The following TENM2 variants were observed in gnomAD, a reference collection of about 807,000 sequenced individuals.
The protein encoded by TENM2 is teneurin transmembrane protein 2.
Under a neutral mutation model 245.2 loss-of-function variants are expected in TENM2, and 52 were observed. The observed-to-expected ratio is 0.21, with a 90% CI of 0.17 to 0.27. The LOEUF is 0.27. Ranked by LOEUF, TENM2 falls within the 10% of genes least tolerant of loss-of-function variation. The probability of loss-of-function intolerance (pLI) is 1.00; values close to 1 mark genes in which losing one functional copy is unlikely to be tolerated. For synonymous variants in TENM2, 1,363 were observed against 1,438.9 expected, an observed-to-expected ratio of 0.95 and a Z score of 1.19; for missense variants, 3,046 against 3,666.8, an observed-to-expected ratio of 0.83 and a Z score of 4.37.
intron 2 of TENM2, among the ~76,000 whole-genome samples, chr5:167,500,887 T>C (rs1370084200): frequency 6.6e-6 from 1 of 152,144 alleles, no homozygotes. Flanking sequence ...TGGCCCCCAG[T>C]ACTAAATGTC....
At chr5:167,391,675 C>T (rs918931316) in intron 2 of TENM2, among the ~76,000 whole-genome samples, 11 of 148,766 alleles carry the variant, frequency 7.4e-5, no homozygotes, top group African/African-American at 2.7e-4. Context: ...TAACTTTAGC[C>T]ACTGGATGGA....
chr5:167,001,345 A>G, the TENM2 span, among the ~76,000 whole-genome samples: 2 of 152,108 alleles, frequency 1.3e-5, no homozygotes, highest in Non-Finnish European at 2.9e-5. Context: ...ATCATTCTTA[A>G]GGCATTCATA....
chr5:167,351,010 GATAT>G (rs377045353), intron 1 of TENM2, among the ~76,000 whole-genome samples: 1 of 27,116 alleles, frequency 3.7e-5, no homozygotes, highest in Non-Finnish European at 8.8e-5. Context: ...TATACATATG[GATAT>G]ATATATATGG....
Position 168,089,968 on chromosome 5 carries a change from T to A in TENM2, c.1516-606T>A, listed in dbSNP as rs141108210. On this transcript the variant is annotated intron_variant, in intron 7 of 28. Transcript: ENST00000518659. ...CAGACAGGAGAAGCTAGTAAGCACC[T>A]CATTCAGGATTTTCTCAGGCTCCAT... Among the ~76,000 whole-genome samples, 179 of 152,236 alleles carry A rather than the reference T, an allele frequency of 1.2e-3. 4 individuals carry two copies. In the East Asian group the frequency reaches 0.03, roughly 26 times the overall value.
At chr5:167,540,371 A>T (rs931635725) in intron 2 of TENM2, among the ~76,000 whole-genome samples, 1 of 152,206 alleles carries the variant, frequency 6.6e-6, no homozygotes, top group Non-Finnish European at 1.5e-5. Flanking sequence ...GTGTTTTTGT[A>T]CAGCTGTAAA....
At chr5:167,717,415 T>A (rs1231939359) in intron 2 of TENM2, among the ~76,000 whole-genome samples, 1 of 152,094 alleles carries the variant, frequency 6.6e-6, no homozygotes, top group Admixed American at 6.5e-5. Flanking sequence ...TAGAAGTAGG[T>A]TGGACATGTT....
At chr5:167,642,592 A>G (rs925618799) in intron 2 of TENM2, among the ~76,000 whole-genome samples, 1 of 152,146 alleles carries the variant, frequency 6.6e-6, no homozygotes, top group East Asian at 1.9e-4. Flanking sequence ...TACCTATACG[A>G]TGTGAAGCCA....
the TENM2 span, among the ~76,000 whole-genome samples, chr5:167,265,094 G>A: frequency 8.7e-4 from 133 of 152,036 alleles, no homozygotes; most frequent in African/African-American, 2.9e-3. Flanking sequence ...TTGGGAGACC[G>A]AGGCGAGTGG....
intron 6 of TENM2, among the ~76,000 whole-genome samples, chr5:168,057,922 C>T (rs920995258): frequency 1.6e-5 from 1 of 64,114 alleles, no homozygotes; most frequent in Admixed American, 2.1e-4. Context: ...TATGGCTTTA[C>T]TCTCTCTCTC....
chr5:167,268,740 A>G, the TENM2 span, among the ~76,000 whole-genome samples: 1 of 152,130 alleles, frequency 6.6e-6, no homozygotes, highest in Non-Finnish European at 1.5e-5. Flanking sequence ...TTGGGTTACA[A>G]TGGTGGAGTT....
intron 3 of TENM2, among the ~76,000 whole-genome samples, chr5:167,877,713 T>C (rs573749716): frequency 6.6e-6 from 1 of 152,322 alleles, no homozygotes; most frequent in East Asian, 1.9e-4. Flanking sequence ...TCAAATATGA[T>C]GTTAACTTAA....
intron 2 of TENM2, among the ~76,000 whole-genome samples, chr5:167,610,071 G>C (rs1439341391): frequency 6.6e-6 from 1 of 152,084 alleles, no homozygotes; most frequent in Non-Finnish European, 1.5e-5. Context: ...TAATTTGCTA[G>C]AGTGACTCAC....
At chr5:167,430,023 G>A (rs1337422512) in intron 2 of TENM2, among the ~76,000 whole-genome samples, 2 of 152,080 alleles carry the variant, frequency 1.3e-5, no homozygotes, top group African/African-American at 2.4e-5. Flanking sequence ...AGAAGGAAGG[G>A]AATGAGTGGC....
At chr5:167,724,853 G>A (rs1759880393) in intron 2 of TENM2, among the ~76,000 whole-genome samples, 1 of 152,196 alleles carries the variant, frequency 6.6e-6, no homozygotes, top group Non-Finnish European at 1.5e-5. Flanking sequence ...GTCGTAGTGA[G>A]AGTGGTATTA....
chr5:167,427,368 G>T (rs1763895045), intron 2 of TENM2, among the ~76,000 whole-genome samples: 1 of 151,990 alleles, frequency 6.6e-6, no homozygotes, highest in Non-Finnish European at 1.5e-5. Flanking sequence ...CAGCAGAATT[G>T]CTTGAACCCA....
chr5:167,742,690 T>C (rs560038410), intron 2 of TENM2, among the ~76,000 whole-genome samples: 1 of 151,744 alleles, frequency 6.6e-6, no homozygotes, highest in Non-Finnish European at 1.5e-5. Context: ...ATCATTAGAA[T>C]ATAAGATGCC....
intron 2 of TENM2, among the ~76,000 whole-genome samples, chr5:167,663,077 G>A (rs1218492320): frequency 6.6e-6 from 1 of 150,988 alleles, no homozygotes; most frequent in Non-Finnish European, 1.5e-5. Flanking sequence ...CTCCTAGGTG[G>A]CTTAAAAACT....
chr5:168,229,505 G>C (rs1442712629), intron 25 of TENM2: 1 of 149,726 alleles, frequency 6.7e-6, no homozygotes, highest in Admixed American at 6.6e-5. Context: ...TGGGAGAGAG[G>C]GGTAGATCAT....
At chr5:167,045,981 G>C in the TENM2 span, among the ~76,000 whole-genome samples, 78 of 152,326 alleles carry the variant, frequency 5.1e-4, 1 homozygote, top group African/African-American at 1.8e-3. Context: ...TTCTCCTAGA[G>C]AGATAGATCA....
Sources: allele counts gnomAD v4.1 joint callset (sites outside exome capture counted in the v4.1 genomes callset), GRCh38; gene constraint gnomAD v4.1.1; transcripts MANE v1.5; gene names NCBI Gene and HGNC (gene_info 2026-07-23, HGNC 2026-07-21).